Variants in ZBTB40 observed in about 807,000 individuals in gnomAD.
ZBTB40 encodes the protein zinc finger and BTB domain containing 40.
ZBTB40 carries 60 observed loss-of-function variants against 117.5 expected under a neutral mutation model. That is an observed-to-expected ratio of 0.51 (90% confidence interval 0.41 to 0.63). The LOEUF (loss-of-function observed/expected upper bound fraction) is 0.63, where lower values mean the gene tolerates loss of function less well. ZBTB40 is among the 30% of genes least tolerant of loss of function. The pLI is 0.00. For synonymous variants in ZBTB40, 525 were observed against 577.1 expected, an observed-to-expected ratio of 0.91 and a Z score of 1.29; for missense variants, 1,287 against 1,498.5, an observed-to-expected ratio of 0.86 and a Z score of 2.33.
intron 1 of ZBTB40, among the ~76,000 whole-genome samples, chr1:22,480,343 T>G (rs1638256782): frequency 6.6e-6 from 1 of 152,216 alleles, no homozygotes; most frequent in Admixed American, 6.5e-5. Context: ...TCAAATTTAT[T>G]TTCTTTTTTC....
At chr1:22,521,804 C>A in intron 15 of ZBTB40, 146 bp downstream of exon 15, 1 of 1,180,850 alleles carries the variant, frequency 8.5e-7, no homozygotes. Flanking sequence ...CTGTCCGTAG[C>A]AGCAGCAGTC....
chr1:22,510,414 A>G (rs138451014), intron 9 of ZBTB40, among the ~76,000 whole-genome samples: 7 of 152,340 alleles, frequency 4.6e-5, no homozygotes, highest in African/African-American at 1.7e-4. Flanking sequence ...GCAGTTGATC[A>G]GTTTTAGCCT....
intron 1 of ZBTB40, among the ~76,000 whole-genome samples, chr1:22,488,287 A>G (rs1638529338): frequency 6.6e-6 from 1 of 152,262 alleles, no homozygotes; most frequent in African/African-American, 2.4e-5. Flanking sequence ...TGGAGCTTAC[A>G]TTCTAGTGAA....
chr1:22,468,643 C>CTTTTTTTTTT (rs71020424), intron 1 of ZBTB40, among the ~76,000 whole-genome samples: 27 of 28,602 alleles, frequency 9.4e-4, no homozygotes, highest in Admixed American at 1.3e-3. Flanking sequence ...GCCTGGCTGG[C>CTTTTTTTTTT]TTTTTTTTTT....
At chr1:22,500,707 G>A (rs71638846) in intron 3 of ZBTB40, among the ~76,000 whole-genome samples, 2,468 of 152,332 alleles carry the variant, frequency 0.016, 27 homozygotes, top group Non-Finnish European at 0.026. Flanking sequence ...TTGGTTAGGG[G>A]AAGAATCTGT....
intron 1 of ZBTB40, among the ~76,000 whole-genome samples, chr1:22,432,924 C>G (rs913739197): frequency 1.3e-5 from 2 of 152,110 alleles, no homozygotes; most frequent in Non-Finnish European, 2.9e-5. Context: ...AAGCAAGTCA[C>G]GTAGTTGCAA....
chr1:22,501,438 C>T (rs4655071), intron 3 of ZBTB40, 54 bp from the exon 4 acceptor site: 425,865 of 1,597,944 alleles, frequency 0.27, 65,446 homozygotes, highest in African/African-American at 0.61. Flanking sequence ...ATGCAAGGAG[C>T]GGATGGTTCT....
chr1:22,505,953 A>G (rs1639064843), intron 5 of ZBTB40, 96 bp from the exon 6 acceptor site: 7 of 1,289,114 alleles, frequency 5.4e-6, no homozygotes, highest in African/African-American at 1.5e-5. Flanking sequence ...GAGATCAGGC[A>G]TCTTGTGATG....
intron 1 of ZBTB40, among the ~76,000 whole-genome samples, chr1:22,437,959 T>A (rs2124364450): frequency 1.3e-5 from 2 of 151,994 alleles, no homozygotes; most frequent in South Asian, 4.2e-4. Flanking sequence ...GGAGAAACCC[T>A]GTCTCTACTA....
At chr1:22,433,205 A>T (rs893644521) in intron 1 of ZBTB40, among the ~76,000 whole-genome samples, 5 of 151,926 alleles carry the variant, frequency 3.3e-5, no homozygotes, top group African/African-American at 1.2e-4. Flanking sequence ...AAGCCGAGGC[A>T]GGTGGATCAC....
intron 1 of ZBTB40, among the ~76,000 whole-genome samples, chr1:22,446,033 G>A (rs186237873): frequency 4.7e-4 from 71 of 152,220 alleles, no homozygotes; most frequent in East Asian, 3.7e-3. Context: ...AGGAGACAGC[G>A]TGCAAGAACA....
chr1:22,505,406 A>G (rs1639051537), intron 5 of ZBTB40, among the ~76,000 whole-genome samples: 2 of 152,196 alleles, frequency 1.3e-5, no homozygotes, highest in Admixed American at 6.5e-5. Flanking sequence ...CCAAGGAAGG[A>G]CAAAGGAGTG....
At chr1:22,512,742 T>C (rs552907536) in intron 11 of ZBTB40, among the ~76,000 whole-genome samples, 182 bp from the exon 12 acceptor site, 1 of 152,212 alleles carries the variant, frequency 6.6e-6, no homozygotes, top group South Asian at 2.1e-4. Context: ...GGGATGCCAG[T>C]TGGTGGGTAG....
chr1:22,515,933 G>A (rs1639362108), intron 12 of ZBTB40, among the ~76,000 whole-genome samples: 1 of 152,214 alleles, frequency 6.6e-6, no homozygotes, highest in Admixed American at 6.5e-5. Context: ...GAAACAGAAG[G>A]CTGTTAGAGC....
Position 22,513,154 on chromosome 1 carries a change from C to T in ZBTB40, c.2668+24C>T, listed in dbSNP as rs1466790132. 2 of 1,608,962 alleles carry T rather than the reference C, an allele frequency of 1.2e-6. No individual in the cohort carries two copies. Among genetic ancestry groups the T allele is most frequent in the Non-Finnish European group, 8.5e-7 (1 of 1,177,508 alleles). ...AGGTAAGGCGGGGCACAGTTCATTTCTCCTGCAGACTTTCACTGCGAACTG... is the reference window on the plus strand; with the variant it reads ...AGGTAAGGCGGGGCACAGTTCATTTTTCCTGCAGACTTTCACTGCGAACTG... On this transcript the variant is annotated intron_variant, in intron 12 of 17. Transcript: ENST00000375647. This position sits in a 1 kb window ranked among gnomAD's most constrained non-coding sequence, Gnocchi z 4.9.
chr1:22,521,750 G>T, intron 15 of ZBTB40, 92 bp downstream of exon 15: 1 of 1,564,614 alleles, frequency 6.4e-7, no homozygotes, highest in Non-Finnish European at 8.8e-7. Context: ...TAATAGTCTA[G>T]TGTGATGTGC....
chr1:22,454,026 T>C (rs1003330249), intron 1 of ZBTB40, among the ~76,000 whole-genome samples: 4 of 152,330 alleles, frequency 2.6e-5, no homozygotes, highest in Middle Eastern at 3.4e-3. Context: ...CTCGGCTCAC[T>C]GCAACCTCCG....
intron 1 of ZBTB40, among the ~76,000 whole-genome samples, chr1:22,464,937 T>G (rs533605806): frequency 1.4e-4 from 21 of 152,322 alleles, no homozygotes; most frequent in African/African-American, 5.1e-4. Flanking sequence ...TTCAAACATC[T>G]GTGTAACTGT....
intron 1 of ZBTB40, among the ~76,000 whole-genome samples, chr1:22,437,912 C>T (rs1319588924): frequency 1.3e-5 from 2 of 151,606 alleles, no homozygotes; most frequent in Non-Finnish European, 1.5e-5. Flanking sequence ...ATCACCTGGT[C>T]TCAAGGTCGG....
Sources: allele counts gnomAD v4.1 joint callset (sites outside exome capture counted in the v4.1 genomes callset), GRCh38; gene constraint gnomAD v4.1.1; non-coding constraint Gnocchi (gnomAD v3.1); transcripts MANE v1.5; gene names NCBI Gene and HGNC (gene_info 2026-07-23, HGNC 2026-07-21).